The following MYO1D variants were observed in gnomAD, a reference collection of about 807,000 sequenced individuals.
The protein encoded by MYO1D is unconventional myosin-Id.
MYO1D carries 83 observed loss-of-function variants against 122.0 expected under a neutral mutation model. That is an observed-to-expected ratio of 0.68 (90% CI 0.57 to 0.82). The LOEUF (loss-of-function observed/expected upper bound fraction) is 0.82, where lower values mean the gene tolerates loss of function less well. MYO1D is among the 40% of genes least tolerant of loss of function. The probability of loss-of-function intolerance (pLI) is 0.00; values close to 1 mark genes in which losing one functional copy is unlikely to be tolerated. For synonymous variants in MYO1D, 464 were observed against 446.9 expected, an observed-to-expected ratio of 1.04 and a Z score of -0.48; for missense variants, 1,157 against 1,269.5, an observed-to-expected ratio of 0.91 and a Z score of 1.35.
intron 1 of MYO1D, among the ~76,000 whole-genome samples, chr17:32,825,870 T>A (rs2090717432): frequency 6.6e-6 from 1 of 151,944 alleles, no homozygotes; most frequent in Non-Finnish European, 1.5e-5. Context: ...AGATCTCATC[T>A]CTACCAAACA....
chr17:32,850,661 T>C (rs1201880641), intron 1 of MYO1D, among the ~76,000 whole-genome samples: 1 of 152,186 alleles, frequency 6.6e-6, no homozygotes, highest in Non-Finnish European at 1.5e-5. Context: ...AGTAATGCTG[T>C]CTGATTTTCT....
chr17:32,597,075 G>A (rs768880745), intron 21 of MYO1D, among the ~76,000 whole-genome samples: 1 of 152,204 alleles, frequency 6.6e-6, no homozygotes, highest in African/African-American at 2.4e-5. Flanking sequence ...ATTTGGGATT[G>A]TTTCAATATA....
chr17:32,516,832 C>T (rs1909909856), intron 21 of MYO1D, among the ~76,000 whole-genome samples: 1 of 152,206 alleles, frequency 6.6e-6, no homozygotes, highest in African/African-American at 2.4e-5. Context: ...ACTTGCTACA[C>T]CATTTGGCTT....
At chr17:32,617,294 C>T (rs553413993) in intron 20 of MYO1D, among the ~76,000 whole-genome samples, 131 of 152,280 alleles carry the variant, frequency 8.6e-4, no homozygotes, top group Non-Finnish European at 1.0e-3. Context: ...TTTCAGTCTC[C>T]GAGTCCTCCC....
chr17:32,706,961 G>C (rs1356817730), intron 16 of MYO1D, among the ~76,000 whole-genome samples: 1 of 152,078 alleles, frequency 6.6e-6, no homozygotes, highest in Non-Finnish European at 1.5e-5. Flanking sequence ...CCCCCAAAGT[G>C]CTGGGATTAC....
intron 1 of MYO1D, among the ~76,000 whole-genome samples, chr17:32,845,732 A>G (rs2090931687): frequency 6.6e-6 from 1 of 152,220 alleles, no homozygotes; most frequent in African/African-American, 2.4e-5. Context: ...TAAGGGCCCA[A>G]TTGCCACAGG....
Position 32,876,761 on chromosome 17 carries a change from G to T in MYO1D, c.95+17C>A. 1 of 1,492,538 alleles carries T rather than the reference G, an allele frequency of 6.7e-7. No homozygotes were observed. The highest frequency in any genetic ancestry group is 8.9e-7 in the Non-Finnish European group (1 of 1,119,426). The allele number at this position is 1,492,538 out of a possible 1,614,324, so 92.5% of individuals were successfully genotyped here. A position where few individuals can be genotyped will look rare whatever the true frequency, so the allele number is the denominator to read the frequency against. On this transcript the variant is annotated intron_variant, in intron 1 of 21. Coordinates refer to ENST00000318217, the MANE Select transcript of MYO1D (RefSeq NM_015194.3). ...AGCGCAGCCTCGCGCCCCTGCGCGC[G>T]GCCGCTCCGCCCTCACCTGAGCCTG...
At chr17:32,820,709 T>C (rs754000842) in intron 1 of MYO1D, among the ~76,000 whole-genome samples, 3 of 152,222 alleles carry the variant, frequency 2.0e-5, no homozygotes, top group East Asian at 1.9e-4. Flanking sequence ...CTTTCAGTTA[T>C]AGAAAAATAT....
At chr17:32,702,700 G>C (rs927068060) in intron 16 of MYO1D, among the ~76,000 whole-genome samples, 1 of 152,180 alleles carries the variant, frequency 6.6e-6, no homozygotes, top group African/African-American at 2.4e-5. Flanking sequence ...GGGACTGAAT[G>C]CATCTGAATA....
chr17:32,673,090 C>CT (rs60912187), intron 16 of MYO1D, among the ~76,000 whole-genome samples: 671 of 28,632 alleles, frequency 0.023, 297 homozygotes, highest in Non-Finnish European at 0.036. Flanking sequence ...AAACATGCTA[C>CT]TTTTTTTTTT....
intron 21 of MYO1D, among the ~76,000 whole-genome samples, chr17:32,538,014 G>C (rs974777304): frequency 6.6e-6 from 1 of 152,054 alleles, no homozygotes; most frequent in African/African-American, 2.4e-5. Flanking sequence ...GTATTTCACT[G>C]TTTCTAAGGC....
chr17:32,642,306 C>T (rs1458079014), intron 19 of MYO1D, among the ~76,000 whole-genome samples: 3 of 152,094 alleles, frequency 2.0e-5, no homozygotes, highest in Non-Finnish European at 4.4e-5. Flanking sequence ...GTTTTGGTAC[C>T]AGTACTATGC....
rs551039001 is a variant in MYO1D, at chr17:32,803,381, C to T, written c.96-22597G>A. Among the ~76,000 whole-genome samples, 10 of 152,248 alleles carry T rather than the reference C, an allele frequency of 6.6e-5. No homozygotes were observed. In the East Asian group the frequency reaches 1.9e-3, roughly 29 times the overall value. On this transcript the variant is annotated intron_variant, in intron 1 of 21. Transcript: ENST00000318217. Reference sequence around the variant, plus strand: ...CAGGATGGTCTCGATCTCCTGACCTCCTGATCTGCCCGCCTCGTCCTCCCA... The same window carrying T: ...CAGGATGGTCTCGATCTCCTGACCTTCTGATCTGCCCGCCTCGTCCTCCCA...
intron 21 of MYO1D, among the ~76,000 whole-genome samples, chr17:32,554,265 T>C (rs947107896): frequency 2.0e-5 from 3 of 152,120 alleles, no homozygotes; most frequent in Admixed American, 2.0e-4. Context: ...CTACTCCTGA[T>C]GGGTGTACTC....
chr17:32,493,713 A>T lies in MYO1D; in HGVS notation c.*1046T>A, dbSNP rs1386301355. The stretch of plus-strand genomic sequence containing the variant: ...TCCCTGGCACCAGTTTCACGGGCGC[A>T]GGCCCCAAGGGGCCGTGTAGAGGGC... On this transcript the variant is annotated 3_prime_UTR_variant, in exon 22 of 22. Transcript: ENST00000318217. 1 of 152,450 alleles carries T rather than the reference A, an allele frequency of 6.6e-6. No individual in the cohort carries two copies. The highest frequency in any genetic ancestry group is 1.9e-4 in the East Asian group (1 of 5,174). The allele number at this position is 152,450 out of a possible 1,614,324, so 9.4% of individuals were successfully genotyped here. A position where few individuals can be genotyped will look rare whatever the true frequency, so the allele number is the denominator to read the frequency against.
chr17:32,597,886 A>AAAAAAAG (rs1567903368), intron 21 of MYO1D, among the ~76,000 whole-genome samples: 4 of 150,422 alleles, frequency 2.7e-5, no homozygotes, highest in African/African-American at 9.9e-5. Flanking sequence ...AAAAAAAAAA[A>AAAAAAAG]AAAAAAGAAA....
At chr17:32,550,785 C>T (rs1194592859) in intron 21 of MYO1D, among the ~76,000 whole-genome samples, 1 of 152,018 alleles carries the variant, frequency 6.6e-6, no homozygotes, top group Admixed American at 6.6e-5. Context: ...AGCTTGAGCC[C>T]AGGAGTTGGA....
At chr17:32,642,701 G>A (rs1281003726) in intron 19 of MYO1D, among the ~76,000 whole-genome samples, 2 of 152,168 alleles carry the variant, frequency 1.3e-5, no homozygotes, top group African/African-American at 4.8e-5. Flanking sequence ...TTGTGAATGG[G>A]AGTTCACTCA....
At chr17:32,609,271 A>G (rs1432269257) in intron 20 of MYO1D, among the ~76,000 whole-genome samples, 1 of 152,188 alleles carries the variant, frequency 6.6e-6, no homozygotes, top group Non-Finnish European at 1.5e-5. Context: ...TGCATAAAAT[A>G]CCGAAGTGCC....
Sources: allele counts gnomAD v4.1 joint callset (sites outside exome capture counted in the v4.1 genomes callset), GRCh38; gene constraint gnomAD v4.1.1; transcripts MANE v1.5; gene names NCBI Gene and HGNC (gene_info 2026-07-23, HGNC 2026-07-21).